CCDC120: variants seen among roughly 807,000 people sequenced by gnomAD.
CCDC120 encodes the protein coiled-coil domain-containing protein 120.
Under a neutral mutation model 37.6 loss-of-function variants are expected in CCDC120, and 16 were observed. The observed-to-expected ratio is 0.43, with a 90% CI of 0.29 to 0.65. CCDC120 has a LOEUF of 0.65. Among genes scored for constraint, CCDC120 ranks in the 30% least tolerant of loss-of-function variants. The pLI is 0.18. For synonymous variants in CCDC120, 309 were observed against 275.4 expected (o/e 1.12, Z -1.21); for missense variants, 650 against 657.4 (o/e 0.99, Z 0.12).
In CCDC120 at chrX:49,069,011, T is replaced by A. The variant is rs1416285573; in HGVS notation, c.*353T>A. 2 of 140,282 alleles carry A rather than the reference T, an allele frequency of 1.4e-5. No homozygotes were observed. The highest frequency in any genetic ancestry group is 6.2e-5 in the African/African-American group (2 of 32,389). 11.6% of individuals were successfully genotyped at this position (140,282 alleles called of 1,213,427 possible). On this transcript the variant is annotated 3_prime_UTR_variant, in exon 11 of 11. Coordinates refer to ENST00000603986, the MANE Select transcript of CCDC120 (RefSeq NM_001163321.4). Reference sequence around the variant, plus strand: ...AAGGGAAACTGTGATCTCATCTGGTTGGGTTCATTCCTGTTCCCATGCCCA... The same window carrying A: ...AAGGGAAACTGTGATCTCATCTGGTAGGGTTCATTCCTGTTCCCATGCCCA...
In CCDC120 at chrX:49,053,783, C is replaced by G. The variant is rs1410978969; in HGVS notation, c.-296C>G. On this transcript the variant is annotated 5_prime_UTR_variant, in exon 1 of 10. Coordinates refer to the CCDC120 transcript ENST00000597275. ...CGCCGAAGAGGAGCAGGCGCGCGCC[C>G]GGGGACGAGCAGGGCGCAGTGAGGG... The G allele has an allele frequency of 1.1e-4, 12 of 112,891 alleles. 1 individual carries two copies. The highest frequency in any genetic ancestry group is 8.3e-4 in the Admixed American group (9 of 10,842). The allele number at this position is 112,891 out of a possible 1,213,427, so 9.3% of individuals were successfully genotyped here.
intron 2 of CCDC120, 33 bp downstream of exon 2, chrX:49,062,137 C>T: frequency 8.6e-7 from 1 of 1,162,677 alleles, no homozygotes. Flanking sequence ...GCCCAGGTTA[C>T]CCCTTATTCC....
At chrX:49,057,356 T>C (rs1490270972), upstream of CCDC120, among the ~76,000 whole-genome samples, 1 of 112,578 alleles carries the variant, frequency 8.9e-6, no homozygotes, top group Non-Finnish European at 1.9e-5. Context: ...AACCACCTTT[T>C]ACCCATTTTA....
upstream of CCDC120, among the ~76,000 whole-genome samples, chrX:49,057,206 T>C (rs1243332408): frequency 8.9e-6 from 1 of 111,904 alleles, no homozygotes; most frequent in African/African-American, 3.3e-5. Context: ...AGTTACCTGC[T>C]CTCCCCCAGT....
At position 49,065,800 on chromosome X, in the gene CCDC120, C is replaced by T; in HGVS notation, c.1016C>T (p.Pro339Leu). The T allele has an allele frequency of 8.5e-7, 1 of 1,170,173 alleles. No homozygotes were observed. Among genetic ancestry groups the T allele is most frequent in the Non-Finnish European group, 1.1e-6 (1 of 874,304 alleles). ...SASSFEGRSV[P>L]ATPVLTRGAG... ...TCCAGTTTTGAGGGGCGAAGTGTGCCTGCCACCCCTGTCCTCACCCGGGGC... is the reference window on the plus strand; with the variant it reads ...TCCAGTTTTGAGGGGCGAAGTGTGCTTGCCACCCCTGTCCTCACCCGGGGC... Residue 339 changes from proline to leucine, a missense_variant, in exon 9 of 11, where the codon CCT (proline) becomes CTT (leucine). Pro to Leu is a moderately conservative substitution (Grantham distance 98). This residue lies in a region of CCDC120 where 576 missense variants were observed against 565.3 expected (regional missense o/e 1.02). Transcript: ENST00000603986.
upstream of CCDC120, among the ~76,000 whole-genome samples, chrX:49,056,625 CAAAA>C (rs56112125): frequency 1.5e-4 from 7 of 47,114 alleles, no homozygotes; most frequent in African/African-American, 6.3e-4. Context: ...GACTCCGTCT[CAAAA>C]AAAAAAAAAA....
intron 3 of CCDC120, 52 bp downstream of exon 3, chrX:49,062,377 C>T (rs1557079695): frequency 8.3e-7 from 1 of 1,207,782 alleles, no homozygotes; most frequent in Admixed American, 2.2e-5. Context: ...TGAATCACCA[C>T]CTGCTTGCTC....
upstream of CCDC120, among the ~76,000 whole-genome samples, chrX:49,055,952 GAAT>G (rs1366792708): frequency 1.8e-5 from 2 of 111,816 alleles, no homozygotes; most frequent in Non-Finnish European, 3.8e-5. Context: ...AGATAATGAA[GAAT>G]AATGACTAAC....
chrX:49,064,304 C>T, intron 5 of CCDC120, 66 bp from the exon 6 acceptor site: 2 of 1,080,907 alleles, frequency 1.9e-6, no homozygotes, highest in Non-Finnish European at 2.4e-6. Flanking sequence ...AGGCCAGCCT[C>T]TACTGGGTTT....
chrX:49,068,070 G>T lies in CCDC120; in HGVS notation c.1956G>T (p.Thr652=). The stretch of plus-strand genomic sequence containing the variant: ...CACTCCCACACTCGAGGAGTTTCAC[G>T]GCGCCCCCTGTCTCTGGCAGGTATG... The part of the protein sequence containing the change: ...QAPLPHSRSF[T]APPVSGRYYA... The change falls in exon 10 of 11, where the codon ACG becomes ACT. Residue 652 remains threonine, a synonymous_variant. Coordinates refer to ENST00000603986, the MANE Select transcript of CCDC120 (RefSeq NM_001163321.4). The T allele has an allele frequency of 8.6e-7, 1 of 1,166,640 alleles. No homozygotes were observed. Among genetic ancestry groups the T allele is most frequent in the Non-Finnish European group, 1.1e-6 (1 of 872,674 alleles).
At chrX:49,057,690 A>G (rs782300436), upstream of CCDC120, among the ~76,000 whole-genome samples, 63 of 112,718 alleles carry the variant, frequency 5.6e-4, 3 homozygotes, top group South Asian at 0.013. Flanking sequence ...GCTCCTCTCT[A>G]GGCTCAGCCC....
chrX:49,058,616 C>G (rs1283366395), upstream of CCDC120, among the ~76,000 whole-genome samples: 2 of 112,931 alleles, frequency 1.8e-5, no homozygotes, highest in Non-Finnish European at 3.7e-5. Flanking sequence ...TCCCACCACT[C>G]TCAGCCCTTC....
rs782685670 is a variant in CCDC120, at chrX:49,067,644, C to G, written c.1530C>G (p.Leu510=). Residue 510 remains leucine, a synonymous_variant, in exon 10 of 11, where the codon CTC becomes CTG. Transcript: ENST00000603986. ...CTGCAGCTGAGGTCCCAGGACCCCTCTCCCGCCGGGATGGGCTCCTCACCA... is the reference window on the plus strand; with the variant it reads ...CTGCAGCTGAGGTCCCAGGACCCCTGTCCCGCCGGGATGGGCTCCTCACCA... ...LPPAAEVPGP[L]SRRDGLLTML... 149 of 1,198,310 alleles carry G rather than the reference C, an allele frequency of 1.2e-4. No homozygotes were observed. Among genetic ancestry groups the G allele is most frequent in the Non-Finnish European group, 1.6e-4 (142 of 887,674 alleles).
At chrX:49,058,221 G>C (rs145909942), upstream of CCDC120, among the ~76,000 whole-genome samples, 787 of 111,974 alleles carry the variant, frequency 7.0e-3, 9 homozygotes, top group African/African-American at 0.025. Context: ...GGAACCAAGA[G>C]GGATCAAAAC....
rs1557080524 is a variant in CCDC120 at position 49,064,559 on chromosome X, G to A, written c.619G>A (p.Gly207Ser). The change falls in exon 6 of 11, where the codon GGC becomes AGC. Residue 207 changes from glycine (G) to serine (S), a missense_variant. Physicochemically the swap from Gly to Ser is moderately conservative, Grantham distance 56. Transcript: ENST00000603986. ...GCTCAGGGATGTCCGGGCCCGCCTT[G>A]GCCTCCCAGTGCTCCCGCTGCCCCA... ...EQLRDVRARLGLPVLPLPQPL... is the reference protein window; with the variant it reads ...EQLRDVRARLSLPVLPLPQPL... 2 of 1,177,837 alleles carry A rather than the reference G, an allele frequency of 1.7e-6. No homozygotes were observed. Among genetic ancestry groups the A allele is most frequent in the East Asian group, 3.2e-5 (1 of 31,527 alleles).
At chrX:49,065,948 C>T (rs1462018716) in intron 9 of CCDC120, 103 bp downstream of exon 9, 4 of 799,407 alleles carry the variant, frequency 5.0e-6, no homozygotes, top group Non-Finnish European at 7.1e-6. Flanking sequence ...GATGGCTGGG[C>T]GCGGTGGCTC....
At chrX:49,057,514 C>T (rs2064839298), upstream of CCDC120, among the ~76,000 whole-genome samples, 1 of 112,322 alleles carries the variant, frequency 8.9e-6, no homozygotes, top group Non-Finnish European at 1.9e-5. Context: ...GAGGACACTC[C>T]CCAATGCCCA....
At chrX:49,057,155 G>A (rs1485160459), upstream of CCDC120, among the ~76,000 whole-genome samples, 1 of 111,724 alleles carries the variant, frequency 9.0e-6, no homozygotes. Flanking sequence ...AATGATGTGT[G>A]TTAGTGACTG....
Position 49,065,614 on chromosome X carries a change from G to T in CCDC120, c.948G>T (p.Val316=). 8.3e-7 allele frequency: 1 copy of T among 1,208,991 alleles called. No individual in the cohort carries two copies. The highest frequency in any genetic ancestry group is 1.1e-6 in the Non-Finnish European group (1 of 894,492). ...YGDLKSRRNS[V]ASPTSPTRSL... is the part of the protein sequence containing the mutation. ...ATCTGAAGAGCCGGCGGAACTCTGT[G>T]GCCAGCCCCACCAGGTGAGAATGAG... The change falls in exon 8 of 11, where the codon GTG becomes GTT. Residue 316 remains valine, a synonymous_variant. Coordinates refer to ENST00000603986, the MANE Select transcript of CCDC120 (RefSeq NM_001163321.4).
Sources: gnomAD v4.1 joint callset for allele counts (sites outside exome capture counted in the v4.1 genomes callset) on GRCh38, gnomAD v4.1.1 for gene constraint, gnomAD v4.1.1 regional missense constraint, MANE v1.5 for transcripts, NCBI Gene and HGNC (gene_info 2026-07-23, HGNC 2026-07-21) for gene names.